Variants in RABGAP1L observed in about 807,000 individuals in gnomAD.
The protein encoded by RABGAP1L is rab GTPase-activating protein 1-like.
Under a neutral mutation model 137.7 loss-of-function variants are expected in RABGAP1L, and 63 were observed. The ratio of observed to expected loss-of-function variants is 0.46; its 90% CI spans 0.37 to 0.56. RABGAP1L has a LOEUF of 0.56. Among genes scored for constraint, RABGAP1L ranks in the 20% least tolerant of loss-of-function variants. The probability of loss-of-function intolerance (pLI) is 0.00; values close to 1 mark genes in which losing one functional copy is unlikely to be tolerated. For missense variants in RABGAP1L, 1,095 were observed against 1,244.0 expected (o/e 0.88, Z 1.80); for synonymous variants, 431 against 433.7 (o/e 0.99, Z 0.08).
At chr1:174,603,347 A>G (rs1408254343) in intron 13 of RABGAP1L, among the ~76,000 whole-genome samples, 3 of 152,168 alleles carry the variant, frequency 2.0e-5, no homozygotes, top group Non-Finnish European at 4.4e-5. Flanking sequence ...TGGTATTGGC[A>G]AAGGGGTGAC....
intron 13 of RABGAP1L, among the ~76,000 whole-genome samples, chr1:174,447,664 A>G (rs570824875): frequency 6.6e-6 from 1 of 152,290 alleles, no homozygotes; most frequent in East Asian, 1.9e-4. Flanking sequence ...CTCCCTAAGA[A>G]ACTGCCTCTC....
chr1:174,463,234 TC>T (rs1257321522), intron 13 of RABGAP1L, among the ~76,000 whole-genome samples: 2 of 152,128 alleles, frequency 1.3e-5, no homozygotes, highest in African/African-American at 4.8e-5. Context: ...GCGGCACTAT[TC>T]ACAATAGCAA....
chr1:174,573,042 A>C (rs1352808152), intron 13 of RABGAP1L, among the ~76,000 whole-genome samples: 1 of 151,544 alleles, frequency 6.6e-6, no homozygotes, highest in Non-Finnish European at 1.5e-5. Flanking sequence ...ACTGTAGAAA[A>C]GGCAGAACCT....
intron 13 of RABGAP1L, among the ~76,000 whole-genome samples, chr1:174,492,176 CTTTTTTTTTTTTT>C (rs756360090): frequency 3.3e-5 from 4 of 120,010 alleles, no homozygotes; most frequent in Admixed American, 8.4e-5. Flanking sequence ...TGTCGAATTA[CTTTTTTTTTTTTT>C]TTTTTTTTGA....
chr1:174,260,941 A>G (rs897517891), intron 7 of RABGAP1L, among the ~76,000 whole-genome samples: 1 of 151,904 alleles, frequency 6.6e-6, no homozygotes, highest in African/African-American at 2.4e-5. Context: ...ATTTCATGAT[A>G]AAATGATTCA....
chr1:174,870,251 C>T (rs1651962990), intron 19 of RABGAP1L, among the ~76,000 whole-genome samples: 1 of 152,202 alleles, frequency 6.6e-6, no homozygotes, highest in African/African-American at 2.4e-5. Flanking sequence ...TCTGGTCATT[C>T]TAAATTATTT....
intron 13 of RABGAP1L, among the ~76,000 whole-genome samples, chr1:174,633,230 A>T (rs1240875547): frequency 1.3e-5 from 2 of 148,500 alleles, no homozygotes; most frequent in Non-Finnish European, 3.0e-5. Context: ...GCATTCTTAT[A>T]CACCAACAAC....
Position 174,159,578 on chromosome 1 carries a change from T to G in RABGAP1L, c.-113T>G, listed in dbSNP as rs1224308845. 1 of 152,208 alleles carries G rather than the reference T, an allele frequency of 6.6e-6. No individual in the cohort carries two copies. The highest frequency in any genetic ancestry group is 2.4e-5 in the African/African-American group (1 of 41,390). 9.4% of individuals were successfully genotyped at this position (152,208 alleles called of 1,614,324 possible). Reference sequence around the variant, plus strand: ...GCGGAGCGAACGGGACCGGCCCGGCTTCAGAGCGCGAGGTGGAGGGTGGAA... The same window carrying G: ...GCGGAGCGAACGGGACCGGCCCGGCGTCAGAGCGCGAGGTGGAGGGTGGAA... On this transcript the variant is annotated 5_prime_UTR_variant, in exon 1 of 26. Coordinates refer to ENST00000681986, the MANE Select transcript of RABGAP1L (RefSeq NM_001366446.1).
intron 10 of RABGAP1L, among the ~76,000 whole-genome samples, chr1:174,301,310 T>G (rs1571983532): frequency 6.7e-6 from 1 of 149,818 alleles, no homozygotes; most frequent in African/African-American, 2.5e-5. Context: ...CCTGAGGGGG[T>G]GTTACAGCAT....
At chr1:174,363,623 C>G (rs532626796) in intron 11 of RABGAP1L, among the ~76,000 whole-genome samples, 1 of 152,060 alleles carries the variant, frequency 6.6e-6, no homozygotes, top group Non-Finnish European at 1.5e-5. Context: ...TTGTTTTGTT[C>G]TAGATCTTAG....
intron 13 of RABGAP1L, among the ~76,000 whole-genome samples, chr1:174,512,363 C>T (rs1375938423): frequency 6.6e-6 from 1 of 152,140 alleles, no homozygotes; most frequent in Non-Finnish European, 1.5e-5. Flanking sequence ...TTCCAGCAAA[C>T]ATGTTCTTGT....
At chr1:174,941,148 T>G (rs536305818) in intron 19 of RABGAP1L, among the ~76,000 whole-genome samples, 1 of 152,230 alleles carries the variant, frequency 6.6e-6, no homozygotes, top group African/African-American at 2.4e-5. Context: ...TCCTTCCATC[T>G]GGAACTTCTT....
chr1:174,239,296 T>C (rs983212469), intron 4 of RABGAP1L, among the ~76,000 whole-genome samples: 3 of 152,164 alleles, frequency 2.0e-5, no homozygotes, highest in Admixed American at 2.0e-4. Flanking sequence ...TCCTCTTCGA[T>C]AATTTGTTTA....
intron 1 of RABGAP1L, among the ~76,000 whole-genome samples, chr1:174,177,402 T>G (rs1008192278): frequency 1.3e-5 from 2 of 152,318 alleles, no homozygotes; most frequent in Middle Eastern, 3.4e-3. Context: ...ATGGGTAGAT[T>G]GCAAAAATTT....
At chr1:174,327,992 T>TATATACATAA (rs1553274554) in intron 11 of RABGAP1L, among the ~76,000 whole-genome samples, 1 of 57,614 alleles carries the variant, frequency 1.7e-5, no homozygotes, top group African/African-American at 8.1e-5. Context: ...CACACATATA[T>TATATACATAA]ATATATATAT....
At chr1:174,479,425 T>G (rs1658845940) in intron 13 of RABGAP1L, among the ~76,000 whole-genome samples, 1 of 152,234 alleles carries the variant, frequency 6.6e-6, no homozygotes, top group Non-Finnish European at 1.5e-5. Context: ...GGTGGGACTT[T>G]GGGACCCAGG....
rs559077922 is a variant in RABGAP1L, at chr1:174,411,723, C to T, written c.1710+17578C>T. Among the ~76,000 whole-genome samples the T allele has an allele frequency of 7.3e-4, 111 of 152,026 alleles. No homozygotes were observed. In the South Asian group the frequency reaches 7.7e-3, roughly 11 times the overall value. On this transcript the variant is annotated intron_variant, in intron 13 of 25. Coordinates refer to ENST00000681986, the MANE Select transcript of RABGAP1L (RefSeq NM_001366446.1). ...CTTCAAAGTAATTTTTGATTTCTGC[C>T]TTAATTTCATTGTTTACCCAAAAGT... is the stretch of plus-strand genomic sequence containing the variant.
chr1:174,502,758 C>T (rs1371767186), intron 13 of RABGAP1L, among the ~76,000 whole-genome samples: 1 of 150,852 alleles, frequency 6.6e-6, no homozygotes, highest in Non-Finnish European at 1.5e-5. Context: ...CAGAATATTC[C>T]AGAAATTCTT....
chr1:174,315,622 C>CT (rs35771793), intron 11 of RABGAP1L, among the ~76,000 whole-genome samples: 8,773 of 132,618 alleles, frequency 0.066, 768 homozygotes, highest in African/African-American at 0.2. Flanking sequence ...CATTTCTTGC[C>CT]TTTTTTTTTT....
Sources: allele counts gnomAD v4.1 joint callset (sites outside exome capture counted in the v4.1 genomes callset), GRCh38; gene constraint gnomAD v4.1.1; transcripts MANE v1.5; gene names NCBI Gene and HGNC (gene_info 2026-07-23, HGNC 2026-07-21).